The following TSHZ3 variants were observed in gnomAD, a reference collection of about 807,000 sequenced individuals.
TSHZ3 encodes the protein teashirt homolog 3.
Under a neutral mutation model 64.5 loss-of-function variants are expected in TSHZ3, and 10 were observed. The observed-to-expected ratio is 0.16, with a 90% CI of 0.10 to 0.26. The LOEUF is 0.26. Among genes scored for constraint, TSHZ3 ranks in the 10% least tolerant of loss-of-function variants. TSHZ3 has a pLI of 1.00. For synonymous variants in TSHZ3, 608 were observed against 593.1 expected (o/e 1.03, Z -0.36); for missense variants, 1,242 against 1,421.7 (o/e 0.87, Z 2.03).
chr19:31,349,005 C>CG (rs1468130385), intron 1 of TSHZ3, 175 bp downstream of exon 1: 13 of 770,720 alleles, frequency 1.7e-5, no homozygotes, highest in East Asian at 6.5e-5. Context: ...GCGGGGCGTC[C>CG]GGGGGGCGCC....
intron 5 of TSHZ3, among the ~76,000 whole-genome samples, chr19:31,159,013 G>A (rs945109728): frequency 6.6e-5 from 10 of 152,074 alleles, no homozygotes; most frequent in Non-Finnish European, 1.2e-4. Flanking sequence ...TTGTTTGTTT[G>A]TTTTGAGACG....
At chr19:31,233,804 C>A (rs974738278) in intron 3 of TSHZ3, among the ~76,000 whole-genome samples, 16 of 152,104 alleles carry the variant, frequency 1.1e-4, no homozygotes, top group Admixed American at 9.2e-4. Flanking sequence ...TACACAGACA[C>A]CTAGTTCTTG....
chr19:31,349,062 G>A (rs2145207666), intron 1 of TSHZ3, 118 bp downstream of exon 1: 1 of 1,309,250 alleles, frequency 7.6e-7, no homozygotes, highest in Non-Finnish European at 1.0e-6. Context: ...AGCGGCGCCC[G>A]GAGTTACTCA....
At chr19:31,179,906 G>A (rs547042053) in intron 5 of TSHZ3, among the ~76,000 whole-genome samples, 1 of 152,134 alleles carries the variant, frequency 6.6e-6, no homozygotes, top group South Asian at 2.1e-4. Context: ...GTGCCACTCA[G>A]CGTTCTAAGG....
intron 4 of TSHZ3, among the ~76,000 whole-genome samples, chr19:31,219,108 G>A (rs189469638): frequency 4.6e-5 from 7 of 152,288 alleles, no homozygotes; most frequent in East Asian, 1.9e-4. Flanking sequence ...GAAGTTCTTC[G>A]AAGCTGACAG....
chr19:31,278,760 T>C lies in TSHZ3; in HGVS notation c.1033A>G (p.Ile345Val), dbSNP rs760182546. Residue 345 changes from isoleucine to valine, a missense_variant, in exon 2 of 2, where the codon ATC becomes GTC. Ile to Val is a conservative substitution (Grantham distance 29, BLOSUM62 3). Around this residue, in one of 4 missense-constraint regions of TSHZ3, gnomAD observed 555 missense variants for 704.0 expected, o/e 0.79. Coordinates refer to ENST00000240587, the MANE Select transcript of TSHZ3 (RefSeq NM_020856.4). The surrounding 1 kb of genome is among the most constrained non-coding windows in gnomAD (Gnocchi z 4.7). ...TGAAGTGCATCGTTGGTGTCTGAGA[T>C]GGTGGCTTTGGGGGTTCCACCTGTG... is the stretch of plus-strand genomic sequence containing the variant. The part of the protein sequence containing the change: ...DSTGGTPKAT[I>V]SDTNDALQKN... 6 of 1,614,182 alleles carry C rather than the reference T, an allele frequency of 3.7e-6. No homozygotes were observed. In the South Asian group the frequency reaches 6.6e-5, roughly 18 times the overall value.
chr19:31,302,994 T>C (rs1430480742), intron 1 of TSHZ3, among the ~76,000 whole-genome samples: 1 of 152,230 alleles, frequency 6.6e-6, no homozygotes, highest in Non-Finnish European at 1.5e-5. Flanking sequence ...ATACACATCC[T>C]TATGCTTATC....
At chr19:31,180,177 T>C (rs949737071) in intron 5 of TSHZ3, among the ~76,000 whole-genome samples, 22 of 152,164 alleles carry the variant, frequency 1.4e-4, no homozygotes, top group African/African-American at 4.8e-4. Context: ...CTTGGCAGTG[T>C]CTAGCAGGGT....
At chr19:31,230,894 G>C (rs2145175666) in intron 3 of TSHZ3, among the ~76,000 whole-genome samples, 1 of 151,494 alleles carries the variant, frequency 6.6e-6, no homozygotes, top group South Asian at 2.1e-4. Context: ...AGTAGAGACG[G>C]GGTTTCACCT....
chr19:31,232,683 A>C (rs139176919), intron 3 of TSHZ3, among the ~76,000 whole-genome samples: 16 of 152,254 alleles, frequency 1.1e-4, no homozygotes, highest in African/African-American at 3.9e-4. Context: ...TCCAGAAATC[A>C]TCCTCTTGCC....
intron 3 of TSHZ3, among the ~76,000 whole-genome samples, chr19:31,234,419 T>C (rs1055047224): frequency 6.6e-6 from 1 of 152,220 alleles, no homozygotes; most frequent in African/African-American, 2.4e-5. Context: ...ACAGTATTTA[T>C]GGGAAGTAAG....
upstream of TSHZ3, chr19:31,349,445 G>A (rs552901173): frequency 2.1e-3 from 828 of 399,188 alleles, 6 homozygotes; most frequent in Non-Finnish European, 1.1e-3. Flanking sequence ...AGGAGGGCGG[G>A]CGAGGGAGGC....
intron 1 of TSHZ3, among the ~76,000 whole-genome samples, chr19:31,321,449 C>T (rs1181742360): frequency 6.6e-6 from 1 of 152,216 alleles, no homozygotes; most frequent in Non-Finnish European, 1.5e-5. Context: ...TAACTGCCCA[C>T]CTAGCAAGTG....
chr19:31,174,032 C>A (rs531099142), intron 5 of TSHZ3, among the ~76,000 whole-genome samples: 23 of 152,318 alleles, frequency 1.5e-4, no homozygotes, highest in African/African-American at 5.3e-4. Flanking sequence ...CATGTCACTG[C>A]ACTCCAGCCT....
intron 5 of TSHZ3, among the ~76,000 whole-genome samples, chr19:31,186,948 C>A (rs1052090965): frequency 1.3e-5 from 2 of 150,796 alleles, no homozygotes; most frequent in African/African-American, 5.0e-5. Context: ...AAGACCAGTC[C>A]TTTTCCAAAT....
intron 1 of TSHZ3, among the ~76,000 whole-genome samples, chr19:31,336,256 GC>G (rs1284776696): frequency 3.3e-5 from 5 of 152,178 alleles, no homozygotes; most frequent in African/African-American, 1.2e-4. Context: ...TTCAGAAAAA[GC>G]AAGAACGAAC....
Position 31,279,829 on chromosome 19 carries a change from A to T in TSHZ3, c.41-77T>A, listed in dbSNP as rs1296973291. 6.0e-6 allele frequency: 8 copies of T among 1,339,298 alleles called. No individual in the cohort carries two copies. The highest frequency in any genetic ancestry group is 1.8e-5 in the South Asian group (1 of 54,410). The allele number at this position is 1,339,298 out of a possible 1,614,324, so 83.0% of individuals were successfully genotyped here. ...GACAGGGAGAAGGAGAGAAAGAAAA[A>T]AAAAAGCATTAGTACTTGTTGATCT... On this transcript the variant is annotated intron_variant, in intron 1 of 1. Transcript: ENST00000240587. This position sits in a 1 kb window ranked among gnomAD's most constrained non-coding sequence, Gnocchi z 6.4.
At chr19:31,286,524 C>G (rs544241220) in intron 1 of TSHZ3, among the ~76,000 whole-genome samples, 4 of 152,236 alleles carry the variant, frequency 2.6e-5, no homozygotes, top group Admixed American at 1.3e-4. Flanking sequence ...GACAAGGAAA[C>G]AGGGATTCTG....
intron 1 of TSHZ3, among the ~76,000 whole-genome samples, chr19:31,341,629 TGACACACACACACACA>T (rs1568387173): frequency 1.2e-4 from 11 of 89,584 alleles, no homozygotes; most frequent in African/African-American, 4.4e-4. Flanking sequence ...TCTCTCTCTC[TGACACACACACACACA>T]CACACACACA....
Sources: gnomAD v4.1 joint callset for allele counts (sites outside exome capture counted in the v4.1 genomes callset) on GRCh38, gnomAD v4.1.1 for gene constraint, gnomAD v4.1.1 regional missense constraint, Gnocchi (gnomAD v3.1) non-coding constraint, MANE v1.5 for transcripts, NCBI Gene and HGNC (gene_info 2026-07-23, HGNC 2026-07-21) for gene names.